The following P4HA1 variants were observed in gnomAD, a reference collection of about 807,000 sequenced individuals.
P4HA1 encodes the protein prolyl 4-hydroxylase subunit alpha 1, also known as prolyl 4-hydroxylase subunit alpha-1.
Under a neutral mutation model 72.8 loss-of-function variants are expected in P4HA1, and 24 were observed. The ratio of observed to expected loss-of-function variants is 0.33; its 90% CI spans 0.24 to 0.46. The LOEUF (loss-of-function observed/expected upper bound fraction) is 0.46. Ranked by LOEUF, P4HA1 falls within the 20% of genes least tolerant of loss-of-function variation. P4HA1 has a pLI of 1.00. For missense variants in P4HA1, 446 were observed against 640.6 expected (o/e 0.70, Z 3.28); for synonymous variants, 201 against 218.8 (o/e 0.92, Z 0.72).
intron 6 of P4HA1, among the ~76,000 whole-genome samples, chr10:73,051,454 G>A (rs569930936): frequency 6.6e-6 from 1 of 152,188 alleles, no homozygotes; most frequent in East Asian, 1.9e-4. Context: ...AGGACATATA[G>A]TCACCTATAT....
intron 9 of P4HA1, among the ~76,000 whole-genome samples, chr10:73,044,299 ATAG>A (rs1840804748): frequency 6.6e-6 from 1 of 152,198 alleles, no homozygotes; most frequent in Middle Eastern, 3.2e-3. Flanking sequence ...TTGAAAAAAA[ATAG>A]TAGACTCCTT....
At chr10:73,088,545 G>T (rs1369558163) in intron 1 of P4HA1, among the ~76,000 whole-genome samples, 3 of 152,094 alleles carry the variant, frequency 2.0e-5, no homozygotes, top group Admixed American at 1.3e-4. Context: ...GCTTCATCCT[G>T]GACTAAACCT....
intron 1 of P4HA1, among the ~76,000 whole-genome samples, chr10:73,079,409 C>G (rs1231348695): frequency 6.6e-6 from 1 of 151,916 alleles, no homozygotes; most frequent in Admixed American, 6.6e-5. Flanking sequence ...AATGTGCTAC[C>G]GCACTCTAGC....
At chr10:73,069,072 TTTA>T in intron 4 of P4HA1, 89 bp from the exon 5 acceptor site, 1 of 1,009,008 alleles carries the variant, frequency 9.9e-7, no homozygotes, top group Non-Finnish European at 1.5e-6. Flanking sequence ...CAAAATCTAT[TTTA>T]TTATTTTCTA....
intron 1 of P4HA1, among the ~76,000 whole-genome samples, chr10:73,078,889 G>A (rs1216325097): frequency 1.3e-5 from 2 of 152,042 alleles, no homozygotes. Context: ...TGGGATTACA[G>A]GCGTGAGCCA....
chr10:73,060,753 A>C (rs1247864605), intron 5 of P4HA1, among the ~76,000 whole-genome samples: 1 of 152,206 alleles, frequency 6.6e-6, no homozygotes, highest in Admixed American at 6.5e-5. Context: ...GATGCTCCCC[A>C]CTGGCCTAAA....
chr10:73,089,018 T>C (rs1424030761), intron 1 of P4HA1, among the ~76,000 whole-genome samples: 2 of 152,228 alleles, frequency 1.3e-5, no homozygotes, highest in African/African-American at 4.8e-5. Flanking sequence ...CATTAATTTC[T>C]ATAAGAAATC....
At chr10:73,039,468 G>A (rs962975342) in intron 9 of P4HA1, among the ~76,000 whole-genome samples, 8 of 151,758 alleles carry the variant, frequency 5.3e-5, no homozygotes, top group South Asian at 2.1e-4. Flanking sequence ...CACCATGCCC[G>A]GCTAATTTTT....
At chr10:73,035,601 AGGTT>A (rs1177529860) in intron 9 of P4HA1, among the ~76,000 whole-genome samples, 1 of 152,216 alleles carries the variant, frequency 6.6e-6, no homozygotes, top group African/African-American at 2.4e-5. Flanking sequence ...GTTAAATAAT[AGGTT>A]ATTTCTAATT....
intron 5 of P4HA1, among the ~76,000 whole-genome samples, chr10:73,062,832 T>TAC (rs1841341922): frequency 6.6e-6 from 1 of 152,186 alleles, no homozygotes. Flanking sequence ...ATTTGCAGAC[T>TAC]ACAGAAAAGC....
chr10:73,055,849 T>G (rs1481120146), intron 5 of P4HA1, among the ~76,000 whole-genome samples: 1 of 152,226 alleles, frequency 6.6e-6, no homozygotes, highest in African/African-American at 2.4e-5. Flanking sequence ...GTCACTTATT[T>G]AATCCTCAAA....
chr10:73,010,843 G>A, intron 13 of P4HA1, 126 bp downstream of exon 13: 1 of 674,680 alleles, frequency 1.5e-6, no homozygotes, highest in Non-Finnish European at 2.6e-6. Context: ...GGGCAACAGA[G>A]CGAGAACAGG....
At chr10:73,026,762 A>C (rs1031859520) in intron 10 of P4HA1, among the ~76,000 whole-genome samples, 3 of 152,248 alleles carry the variant, frequency 2.0e-5, no homozygotes, top group Non-Finnish European at 2.9e-5. Context: ...CAAGAAAAAA[A>C]CAACCCCATC....
intron 1 of P4HA1, among the ~76,000 whole-genome samples, chr10:73,083,368 A>G (rs12242222): frequency 0.11 from 16,340 of 152,224 alleles, 1,264 homozygotes; most frequent in East Asian, 0.3. Context: ...TTTCTGTACT[A>G]GGGTAGTGAA....
intron 7 of P4HA1, among the ~76,000 whole-genome samples, chr10:73,047,757 CAAGT>C (rs1324903331): frequency 6.6e-6 from 1 of 152,082 alleles, no homozygotes; most frequent in Non-Finnish European, 1.5e-5. Flanking sequence ...CTTAATTAAA[CAAGT>C]ATGTCAGGCC....
Position 73,007,997 on chromosome 10 carries a change from A to T in P4HA1, c.*225T>A. The T allele has an allele frequency of 2.9e-6, 1 of 343,390 alleles. No homozygotes were observed. The highest frequency in any genetic ancestry group is 3.7e-5 in the East Asian group (1 of 27,290). The allele number at this position is 343,390 out of a possible 1,614,324, so 21.3% of individuals were successfully genotyped here. On this transcript the variant is annotated 3_prime_UTR_variant, in exon 15 of 15. Transcript: ENST00000394890. ...TTTAAACTCTGCCTTGTCTTCTGTG[A>T]TACCAACAGAACTTTAAGGTTTTAT...
intron 5 of P4HA1, among the ~76,000 whole-genome samples, chr10:73,056,799 G>T (rs1488935891): frequency 2.0e-5 from 3 of 152,136 alleles, no homozygotes; most frequent in South Asian, 4.1e-4. Context: ...CGTGGCTCAC[G>T]CCTGTAATCC....
At chr10:73,037,552 T>C (rs1424477089) in intron 9 of P4HA1, among the ~76,000 whole-genome samples, 2 of 32,394 alleles carry the variant, frequency 6.2e-5, no homozygotes, top group South Asian at 1.1e-3. Flanking sequence ...TATATATATA[T>C]ATATATATAT....
At position 73,007,961 on chromosome 10, in the gene P4HA1, A is replaced by G. The variant is rs1332494782; in HGVS notation, c.*261T>C. 2 of 343,714 alleles carry G rather than the reference A, an allele frequency of 5.8e-6. No homozygotes were observed. Among genetic ancestry groups the G allele is most frequent in the African/African-American group, 2.1e-5 (1 of 47,626 alleles). 21.3% of individuals were successfully genotyped at this position (343,714 alleles called of 1,614,324 possible). ...CCAACCAAAAAGTTCTTTAAATATAAAATTCCTCACTTTAAACTCTGCCTT... is the reference window on the plus strand; with the variant it reads ...CCAACCAAAAAGTTCTTTAAATATAGAATTCCTCACTTTAAACTCTGCCTT... On this transcript the variant is annotated 3_prime_UTR_variant, in exon 15 of 15. Coordinates refer to ENST00000394890, the MANE Select transcript of P4HA1 (RefSeq NM_001017962.3).
Sources: allele counts gnomAD v4.1 joint callset (sites outside exome capture counted in the v4.1 genomes callset), GRCh38; gene constraint gnomAD v4.1.1; transcripts MANE v1.5; gene names NCBI Gene and HGNC (gene_info 2026-07-23, HGNC 2026-07-21).